Variants in FAM234A observed in about 807,000 individuals in gnomAD.
FAM234A encodes the protein protein FAM234A.
Under a neutral mutation model 49.1 loss-of-function variants are expected in FAM234A, and 42 were observed. That is an observed-to-expected ratio of 0.86 (90% CI 0.67 to 1.11). The LOEUF is 1.11. Ranked by LOEUF, FAM234A falls within the 50% of genes least tolerant of loss-of-function variation. FAM234A has a pLI of 0.00. For synonymous variants in FAM234A, 369 were observed against 316.2 expected (o/e 1.17, Z -1.77); for missense variants, 815 against 745.2 (o/e 1.09, Z -1.09).
At chr16:244,202 T>C (rs943521371) in intron 1 of FAM234A, among the ~76,000 whole-genome samples, 17 of 152,114 alleles carry the variant, frequency 1.1e-4, no homozygotes, top group Admixed American at 4.6e-4. Flanking sequence ...TCTCCTGACC[T>C]TGTGATCCAC....
At chr16:238,101 C>T (rs553924903) in intron 1 of FAM234A, among the ~76,000 whole-genome samples, 2 of 152,170 alleles carry the variant, frequency 1.3e-5, no homozygotes, top group African/African-American at 4.8e-5. Context: ...CCACTGCAAC[C>T]CCCGCCTCCC....
intron 1 of FAM234A, among the ~76,000 whole-genome samples, chr16:240,429 G>A (rs956705701): frequency 2.6e-5 from 4 of 152,016 alleles, no homozygotes; most frequent in Admixed American, 2.0e-4. Flanking sequence ...TCTCTGGGGT[G>A]GAGTGTGGTT....
At chr16:259,338 C>G in intron 3 of FAM234A, 145 bp from the exon 4 acceptor site, 1 of 651,958 alleles carries the variant, frequency 1.5e-6, no homozygotes, top group Non-Finnish European at 2.8e-6. Flanking sequence ...AATTACTCAT[C>G]CTAGTGAGGA....
intron 2 of FAM234A, among the ~76,000 whole-genome samples, chr16:250,879 A>G (rs1045174435): frequency 3.3e-5 from 5 of 152,222 alleles, no homozygotes; most frequent in African/African-American, 9.7e-5. Flanking sequence ...CCATGGCTGA[A>G]AAACACACCA....
In FAM234A at chr16:261,510, A is replaced by G; in HGVS notation, c.704A>G (p.Glu235Gly). ...CTGCTGGTTCTCACCCAGGAGCGGG[A>G]GGAGGTACATCCCAGCCTGGCTCTG... is the stretch of plus-strand genomic sequence containing the variant. ...PDLLVLTQER[E>G]EVSGHLYSGS... The change falls in exon 6 of 13, where the codon GAG (glutamate) becomes GGG (glycine). Residue 235 changes from glutamate to glycine, a missense_variant. Glu to Gly is a moderately conservative substitution (Grantham distance 98). Coordinates refer to ENST00000399932, the MANE Select transcript of FAM234A (RefSeq NM_032039.4). The G allele has an allele frequency of 6.2e-7, 1 of 1,601,658 alleles. No homozygotes were observed. The highest frequency in any genetic ancestry group is 8.5e-7 in the Non-Finnish European group (1 of 1,175,162).
At chr16:256,451 T>G (rs2051236685) in intron 3 of FAM234A, among the ~76,000 whole-genome samples, 1 of 152,192 alleles carries the variant, frequency 6.6e-6, no homozygotes, top group South Asian at 2.1e-4. Flanking sequence ...TTCGTGTGAG[T>G]TTTAGCCATT....
At chr16:259,189 G>A (rs2051357862) in intron 3 of FAM234A, among the ~76,000 whole-genome samples, 1 of 152,150 alleles carries the variant, frequency 6.6e-6, no homozygotes, top group African/African-American at 2.4e-5. Context: ...CTGTCTAGAT[G>A]CCCCCTGGTC....
intron 3 of FAM234A, among the ~76,000 whole-genome samples, chr16:258,501 CAGA>C (rs60811445): frequency 0.29 from 44,035 of 151,962 alleles, 8,154 homozygotes; most frequent in African/African-American, 0.53. Flanking sequence ...GATCCCAAGG[CAGA>C]AGAAGTTTTC....
At chr16:253,024 C>T (rs116933226) in intron 2 of FAM234A, among the ~76,000 whole-genome samples, 1 of 152,200 alleles carries the variant, frequency 6.6e-6, no homozygotes, top group Non-Finnish European at 1.5e-5. Context: ...TTAAAAGGAA[C>T]CAAAATAACA....
chr16:254,567 T>C lies in FAM234A; in HGVS notation c.154T>C (p.Phe52Leu). Reference sequence around the variant, plus strand: ...GCTCTCCCGGTGCCGAGCGGCGGCGTTTTTTCTTTCATTGTTTCTCTGCCT... The same window carrying C: ...GCTCTCCCGGTGCCGAGCGGCGGCGCTTTTTCTTTCATTGTTTCTCTGCCT... Reference protein sequence around the residue: ...SRLSRCRAAAFFLSLFLCLFV... With the variant: ...SRLSRCRAAALFLSLFLCLFV... The change falls in exon 3 of 13, where the codon TTT becomes CTT. Residue 52 changes from phenylalanine to leucine, a missense_variant. Coordinates refer to ENST00000399932, the MANE Select transcript of FAM234A (RefSeq NM_032039.4). The C allele has an allele frequency of 1.2e-6, 2 of 1,613,928 alleles. No individual in the cohort carries two copies. Among genetic ancestry groups the C allele is most frequent in the Non-Finnish European group, 1.7e-6 (2 of 1,180,000 alleles).
chr16:263,341 G>A lies in FAM234A; in HGVS notation c.1051G>A (p.Val351Met), dbSNP rs759039084. ...DVLLVGSEAFVLLDGQELTPR... is the reference protein window; with the variant it reads ...DVLLVGSEAFMLLDGQELTPR... ...GCTTCTTGTGGGCTCAGAGGCCTTC[G>A]TGCTGCTGGACGGGCAGGAGCTGAC... is the stretch of plus-strand genomic sequence containing the variant. Residue 351 changes from valine to methionine, a missense_variant, in exon 9 of 13, where the codon GTG (valine) becomes ATG (methionine). Physicochemically the swap from Val to Met is conservative, Grantham distance 21. Coordinates refer to ENST00000399932, the MANE Select transcript of FAM234A (RefSeq NM_032039.4). 8 of 1,612,896 alleles carry A rather than the reference G, an allele frequency of 5.0e-6. No individual in the cohort carries two copies. Among genetic ancestry groups the A allele is most frequent in the Middle Eastern group, 1.6e-4 (1 of 6,084 alleles).
intron 4 of FAM234A, 32 bp from the exon 5 acceptor site, chr16:259,937 C>A: frequency 6.3e-7 from 1 of 1,598,976 alleles, no homozygotes; most frequent in Non-Finnish European, 8.5e-7. Flanking sequence ...CCAGATGGTG[C>A]AACAGTGAGG....
chr16:269,128 G>GC (rs566943213), downstream of FAM234A: 628 of 900,522 alleles, frequency 7.0e-4, 6 homozygotes, highest in South Asian at 8.0e-3. Context: ...GCACCCCACA[G>GC]AAGACTGGGC....
chr16:261,883 C>T (rs1372300419), intron 6 of FAM234A, among the ~76,000 whole-genome samples: 4 of 152,198 alleles, frequency 2.6e-5, no homozygotes, highest in African/African-American at 9.7e-5. Flanking sequence ...CTGATGTCAG[C>T]GTGTCTTTCC....
rs2050578884 is a variant in FAM234A at position 240,593 on chromosome 16, C to T, written c.-140+5736C>T. Among the ~76,000 whole-genome samples, 6 of 151,824 alleles carry T rather than the reference C, an allele frequency of 4.0e-5. No individual in the cohort carries two copies. In the South Asian group the frequency reaches 1.3e-3, roughly 32 times the overall value. Reference sequence around the variant, plus strand: ...TCTCAGCTCACTGCAACCTCTGCCTCCTTGGTTAAAGCGATACTCCTGCCT... The same window carrying T: ...TCTCAGCTCACTGCAACCTCTGCCTTCTTGGTTAAAGCGATACTCCTGCCT... On this transcript the variant is annotated intron_variant, in intron 1 of 12. Transcript: ENST00000399932.
Position 263,705 on chromosome 16 carries a change from C to A in FAM234A, c.1118C>A (p.Pro373His). Residue 373 changes from proline to histidine, a missense_variant, in exon 10 of 13, where the codon CCC becomes CAC. Pro to His is a moderately conservative substitution (Grantham distance 77). Coordinates refer to ENST00000399932, the MANE Select transcript of FAM234A (RefSeq NM_032039.4). ...TPKAAHVLRK[P>H]IFGRYKPDTL... is the part of the protein sequence containing the mutation. ...CTTCCTCCATATTGTTCCAGAAAAC[C>A]CATCTTCGGCCGCTACAAACCAGAC... 1 of 1,613,538 alleles carries A rather than the reference C, an allele frequency of 6.2e-7. No homozygotes were observed. Among genetic ancestry groups the A allele is most frequent in the Non-Finnish European group, 8.5e-7 (1 of 1,179,498 alleles).
At position 266,042 on chromosome 16, in the gene FAM234A, T is replaced by G; in HGVS notation, c.*1020T>G. ...GAGCTTCGTAGCCAAAGCAGCCTGA[T>G]GACCCACCCACCAAGGAAGAAAGCA... On this transcript the variant is annotated 3_prime_UTR_variant, in exon 13 of 13. Transcript: ENST00000399932. 2.0e-6 allele frequency: 2 copies of G among 986,068 alleles called. No homozygotes were observed. Among genetic ancestry groups the G allele is most frequent in the Non-Finnish European group, 2.4e-6 (2 of 830,102 alleles). 61.1% of individuals were successfully genotyped at this position (986,068 alleles called of 1,614,324 possible).
At chr16:261,598 C>G (rs1003174642) in intron 6 of FAM234A, 84 bp downstream of exon 6, 5 of 1,473,144 alleles carry the variant, frequency 3.4e-6, no homozygotes, top group Non-Finnish European at 4.6e-6. Flanking sequence ...GCTGCCACTT[C>G]CCAGACAGGA....
intron 8 of FAM234A, 146 bp downstream of exon 8, chr16:262,699 C>A: frequency 2.8e-6 from 2 of 705,584 alleles, no homozygotes; most frequent in Non-Finnish European, 4.1e-6. Flanking sequence ...TCACCCTGGG[C>A]TCAGATGTGA....
Sources: allele counts gnomAD v4.1 joint callset (sites outside exome capture counted in the v4.1 genomes callset), GRCh38; gene constraint gnomAD v4.1.1; transcripts MANE v1.5; gene names NCBI Gene and HGNC (gene_info 2026-07-23, HGNC 2026-07-21).